Variants in WARS1 observed in about 807,000 individuals in gnomAD.
The protein encoded by WARS1 is tryptophanyl-tRNA synthetase 1.
In WARS1, 17 loss-of-function variants were observed where a neutral mutation model predicts 47.8. The observed-to-expected ratio is 0.36, with a 90% CI of 0.24 to 0.53. The LOEUF (loss-of-function observed/expected upper bound fraction) is 0.53, where lower values mean the gene tolerates loss of function less well. Among genes scored for constraint, WARS1 ranks in the 20% least tolerant of loss-of-function variants. The probability of loss-of-function intolerance (pLI) is 0.91; values close to 1 mark genes in which losing one functional copy is unlikely to be tolerated. For missense variants in WARS1, 434 were observed against 608.0 expected, an observed-to-expected ratio of 0.71 and a Z score of 3.01; for synonymous variants, 208 against 228.1, an observed-to-expected ratio of 0.91 and a Z score of 0.79.
intron 9 of WARS1, among the ~76,000 whole-genome samples, chr14:100,339,376 G>T (rs1245718191): frequency 2.0e-5 from 3 of 152,086 alleles, no homozygotes; most frequent in Non-Finnish European, 4.4e-5. Flanking sequence ...CAGATTACGA[G>T]GTCAGGAGAT....
At chr14:100,335,064 A>G (rs2139865142) in intron 10 of WARS1, 28 bp from the exon 11 acceptor site, 1 of 1,608,506 alleles carries the variant, frequency 6.2e-7, no homozygotes. Context: ...GCCACGTGAG[A>G]GATGGCTCCA....
rs73357414 is a variant in WARS1, at chr14:100,360,321, C to T, written c.422+233G>A. On this transcript the variant is annotated intron_variant, in intron 4 of 10. Coordinates refer to ENST00000392882, the MANE Select transcript of WARS1 (RefSeq NM_004184.4). ...AATCTCACCTGCTATTAATATGATT[C>T]CCACCTTGTGAGGTGGGCAGTCTAC... is the stretch of plus-strand genomic sequence containing the variant. Among the ~76,000 whole-genome samples the T allele has an allele frequency of 8.9e-3, 1,360 of 152,188 alleles. 19 individuals are homozygous for T. The highest frequency in any genetic ancestry group is 0.031 in the African/African-American group (1,280 of 41,522).
intron 2 of WARS1, 32 bp from the exon 3 acceptor site, chr14:100,361,953 G>T: frequency 6.2e-7 from 1 of 1,607,034 alleles, no homozygotes; most frequent in Non-Finnish European, 8.5e-7. Context: ...ATGGCTAAAA[G>T]TATTACTAAT....
chr14:100,376,218 C>A (rs1896652484), upstream of WARS1: 1 of 345,816 alleles, frequency 2.9e-6, no homozygotes, highest in Non-Finnish European at 4.9e-6. Context: ...CACTCCCTCC[C>A]TTGTTTCCTC....
At chr14:100,371,582 A>G (rs1896355106) in intron 1 of WARS1, among the ~76,000 whole-genome samples, 2 of 152,022 alleles carry the variant, frequency 1.3e-5, no homozygotes, top group African/African-American at 4.8e-5. Context: ...TAAAAATACA[A>G]AAATTAGCCA....
chr14:100,369,349 T>C (rs1264848492), intron 1 of WARS1, 91 bp from the exon 2 acceptor site: 1 of 358,670 alleles, frequency 2.8e-6, no homozygotes, highest in Non-Finnish European at 4.9e-6. Flanking sequence ...GAGTCCTTTT[T>C]TCCGAAAAGG....
chr14:100,352,587 T>G (rs530176582), intron 6 of WARS1, among the ~76,000 whole-genome samples: 1 of 152,340 alleles, frequency 6.6e-6, no homozygotes, highest in East Asian at 1.9e-4. Flanking sequence ...GAGCCCAGCC[T>G]GGGCTGCAGG....
rs907241341 is a variant in WARS1, at chr14:100,373,696, CAT to C, written c.-74+1585_-74+1586del. Among the ~76,000 whole-genome samples the C allele has an allele frequency of 3.3e-5, 5 of 152,172 alleles. No homozygotes were observed. Among genetic ancestry groups the C allele is most frequent in the Admixed American group, 6.5e-5 (1 of 15,280 alleles). On this transcript the variant is annotated intron_variant, in intron 1 of 10. Coordinates refer to ENST00000392882, the MANE Select transcript of WARS1 (RefSeq NM_004184.4). This position sits in a 1 kb window ranked among gnomAD's most constrained non-coding sequence, Gnocchi z 4.4. ...TTAGGGTCCATGTTGCAGGGAAAAA[CAT>C]GTGTCTATAAATATCAGAACTCCAT... is the stretch of plus-strand genomic sequence containing the variant.
intron 6 of WARS1, among the ~76,000 whole-genome samples, chr14:100,350,949 A>T (rs1410452509): frequency 6.6e-6 from 1 of 152,000 alleles, no homozygotes; most frequent in South Asian, 2.1e-4. Flanking sequence ...GGGTCAGGAG[A>T]GTGGGTGGGA....
chr14:100,360,808 C>T (rs1895617397), intron 3 of WARS1, 146 bp from the exon 4 acceptor site: 2 of 502,088 alleles, frequency 4.0e-6, no homozygotes, highest in Admixed American at 7.0e-5. Flanking sequence ...GTCCTTACCC[C>T]CAACATGAAG....
chr14:100,351,388 A>G (rs947216242), intron 6 of WARS1, among the ~76,000 whole-genome samples: 6 of 151,954 alleles, frequency 3.9e-5, no homozygotes, highest in African/African-American at 1.5e-4. Context: ...ATGGTGGCTC[A>G]CACCTGTAAT....
In WARS1 at chr14:100,343,279, T is replaced by C. The variant is rs1308530537; in HGVS notation, c.935A>G (p.Asp312Gly). Reference sequence around the variant, plus strand: ...CTTGCTTTTCTGCCTGCTGACCTGGTCAATGGCACATGGGATAAGGCACTG... The same window carrying C: ...CTTGCTTTTCTGCCTGCTGACCTGGCCAATGGCACATGGGATAAGGCACTG... Reference protein sequence around the residue: ...DIQCLIPCAIDQDPYFRMTRD... With the variant: ...DIQCLIPCAIGQDPYFRMTRD... Residue 312 changes from aspartate (D) to glycine (G), a missense_variant, in exon 8 of 11, where the codon GAC (aspartate) becomes GGC (glycine). Asp to Gly is a moderately conservative substitution (Grantham distance 94). Transcript: ENST00000392882. The C allele has an allele frequency of 6.2e-7, 1 of 1,611,036 alleles. No homozygotes were observed. Among genetic ancestry groups the C allele is most frequent in the African/African-American group, 1.3e-5 (1 of 74,812 alleles).
Position 100,368,310 on chromosome 14 carries a change from G to C in WARS1, c.99+777C>G, listed in dbSNP as rs576818780. On this transcript the variant is annotated intron_variant, in intron 2 of 10. Coordinates refer to ENST00000392882, the MANE Select transcript of WARS1 (RefSeq NM_004184.4). ...GAAAGTTAGAGTACTCATTCTATCC[G>C]TGATGGTTCAGCTGTCCACGTCTAT... is the stretch of plus-strand genomic sequence containing the variant. 7.7e-6 allele frequency: 3 copies of C among 392,148 alleles called. 1 individual carries two copies. Among genetic ancestry groups the C allele is most frequent in the South Asian group, 5.6e-5 (3 of 53,690 alleles). The allele number at this position is 392,148 out of a possible 1,614,324, so 24.3% of individuals were successfully genotyped here. A position where few individuals can be genotyped will look rare whatever the true frequency, so the allele number is the denominator to read the frequency against.
At chr14:100,346,689 C>T in intron 7 of WARS1, 57 bp downstream of exon 7, 1 of 1,384,130 alleles carries the variant, frequency 7.2e-7, no homozygotes, top group East Asian at 2.3e-5. Context: ...TCCTCCAGAA[C>T]TCTGCTCCTT....
intron 1 of WARS1, among the ~76,000 whole-genome samples, chr14:100,369,595 G>T (rs1024831161): frequency 6.6e-6 from 1 of 152,034 alleles, no homozygotes; most frequent in East Asian, 1.9e-4. Flanking sequence ...AACACAGGAG[G>T]ACTCCTGTTT....
At chr14:100,355,715 C>A (rs1021166007) in intron 4 of WARS1, among the ~76,000 whole-genome samples, 2 of 152,088 alleles carry the variant, frequency 1.3e-5, no homozygotes, top group Non-Finnish European at 2.9e-5. Flanking sequence ...CCTTATATTC[C>A]CCAAGCCAAG....
chr14:100,354,626 A>C, intron 4 of WARS1, 60 bp from the exon 5 acceptor site: 1 of 1,552,708 alleles, frequency 6.4e-7, no homozygotes, highest in South Asian at 1.2e-5. Flanking sequence ...CAAGGCACTA[A>C]TGCACTTTTG....
chr14:100,370,924 C>CA (rs566273298), intron 1 of WARS1, among the ~76,000 whole-genome samples: 159 of 152,142 alleles, frequency 1.0e-3, no homozygotes, highest in African/African-American at 3.6e-3. Context: ...GCCCGGGTGA[C>CA]AGAGTAAGAC....
At chr14:100,344,428 C>G (rs1159083900) in intron 7 of WARS1, among the ~76,000 whole-genome samples, 1 of 151,854 alleles carries the variant, frequency 6.6e-6, no homozygotes, top group African/African-American at 2.4e-5. Flanking sequence ...GATCTCGGCT[C>G]GCTACAACCT....
Sources: allele counts gnomAD v4.1 joint callset (sites outside exome capture counted in the v4.1 genomes callset), GRCh38; gene constraint gnomAD v4.1.1; non-coding constraint Gnocchi (gnomAD v3.1); transcripts MANE v1.5; gene names NCBI Gene and HGNC (gene_info 2026-07-23, HGNC 2026-07-21).